Variants in UBA5 observed in about 807,000 individuals in gnomAD.
UBA5 encodes the protein ubiquitin like modifier activating enzyme 5.
A neutral mutation model predicts 52.9 loss-of-function variants in UBA5; 28 were observed. The observed-to-expected ratio is 0.53, with a 90% CI of 0.39 to 0.73. The LOEUF (loss-of-function observed/expected upper bound fraction) is 0.73, where lower values mean the gene tolerates loss of function less well. Among genes scored for constraint, UBA5 ranks in the 30% least tolerant of loss-of-function variants. UBA5 has a pLI of 0.00. For missense variants in UBA5, 388 were observed against 492.7 expected (o/e 0.79, Z 2.01); for synonymous variants, 135 against 162.1 (o/e 0.83, Z 1.27).
At chr3:132,656,136 T>C (rs907998543), upstream of UBA5, among the ~76,000 whole-genome samples, 1 of 152,230 alleles carries the variant, frequency 6.6e-6, no homozygotes, top group Non-Finnish European at 1.5e-5. Flanking sequence ...ACGTTTTTCA[T>C]TCTGTGTTAT....
In UBA5 at chr3:132,671,008, A is replaced by G; in HGVS notation, c.538A>G (p.Ser180Gly). The change falls in exon 6 of 12, where the codon AGC (serine) becomes GGC (glycine). Residue 180 changes from serine to glycine, a missense_variant. Ser to Gly is a moderately conservative substitution (Grantham distance 56, BLOSUM62 0). Around this residue, in one of 3 missense-constraint regions of UBA5, gnomAD observed 277 missense variants for 326.4 expected, o/e 0.85. Coordinates refer to ENST00000356232, the MANE Select transcript of UBA5 (RefSeq NM_024818.6). Reference sequence around the variant, plus strand: ...AGGAAAACCTGTTGATCTAGTTCTTAGCTGTGTGGACAATTTTGAAGCTCG... The same window carrying G: ...AGGAAAACCTGTTGATCTAGTTCTTGGCTGTGTGGACAATTTTGAAGCTCG... ...EEGKPVDLVL[S>G]CVDNFEARMT... 6.2e-7 allele frequency: 1 copy of G among 1,613,392 alleles called. No individual in the cohort carries two copies.
intron 4 of UBA5, among the ~76,000 whole-genome samples, chr3:132,669,688 T>C (rs944983764): frequency 6.6e-6 from 1 of 152,222 alleles, no homozygotes; most frequent in Non-Finnish European, 1.5e-5. Context: ...ATTTGGCCCA[T>C]GGGCCACAGT....
At chr3:132,671,184 T>C (rs1469025161) in intron 6 of UBA5, 135 bp downstream of exon 6, 5 of 701,774 alleles carry the variant, frequency 7.1e-6, no homozygotes, top group African/African-American at 3.6e-5. Flanking sequence ...AATGTTCTCT[T>C]AGCCTACTCT....
At chr3:132,655,440 C>A (rs1452608169), upstream of UBA5, among the ~76,000 whole-genome samples, 1 of 152,190 alleles carries the variant, frequency 6.6e-6, no homozygotes, top group Non-Finnish European at 1.5e-5. Flanking sequence ...GTCCCTGTTG[C>A]CCTTGCTTAC....
chr3:132,655,944 A>G (rs142114257), upstream of UBA5, among the ~76,000 whole-genome samples: 412 of 152,378 alleles, frequency 2.7e-3, 1 homozygote, highest in African/African-American at 9.5e-3. Context: ...TAAAAAGAGT[A>G]TTTATGAAAT....
At chr3:132,657,507 G>T (rs1035675366), upstream of UBA5, among the ~76,000 whole-genome samples, 1 of 152,146 alleles carries the variant, frequency 6.6e-6, no homozygotes, top group East Asian at 1.9e-4. Flanking sequence ...TGAATCAATA[G>T]ATCAACTGGA....
chr3:132,664,373 A>G (rs977113358), intron 1 of UBA5, among the ~76,000 whole-genome samples: 4 of 152,204 alleles, frequency 2.6e-5, no homozygotes, highest in Non-Finnish European at 5.9e-5. Flanking sequence ...TGTCATTTTT[A>G]TAAAGAATAT....
chr3:132,670,874 AAAGAAT>A, intron 5 of UBA5, 85 bp from the exon 6 acceptor site: 1 of 764,426 alleles, frequency 1.3e-6, no homozygotes, highest in South Asian at 1.9e-5. Context: ...ACATTTAATG[AAAGAAT>A]AAGTGTTGGA....
chr3:132,677,126 T>C lies in UBA5; in HGVS notation c.*600T>C. The C allele has an allele frequency of 4.1e-6, 1 of 245,854 alleles. No homozygotes were observed. The allele number at this position is 245,854 out of a possible 1,614,324, so 15.2% of individuals were successfully genotyped here. A position where few individuals can be genotyped will look rare whatever the true frequency, so the allele number is the denominator to read the frequency against. On this transcript the variant is annotated 3_prime_UTR_variant, in exon 12 of 12. Coordinates refer to ENST00000356232, the MANE Select transcript of UBA5 (RefSeq NM_024818.6). ...GTAGTTATTGGAAAAGTCTGTAACC[T>C]GTGGATCATATATATTCAAAGTGAG...
At chr3:132,656,059 T>C (rs963983248), upstream of UBA5, among the ~76,000 whole-genome samples, 1 of 152,328 alleles carries the variant, frequency 6.6e-6, no homozygotes, top group East Asian at 1.9e-4. Flanking sequence ...GTGACTACCA[T>C]TCTGAATTTT....
intron 8 of UBA5, among the ~76,000 whole-genome samples, chr3:132,674,941 T>G (rs1333594964): frequency 6.6e-6 from 1 of 152,212 alleles, no homozygotes; most frequent in East Asian, 1.9e-4. Flanking sequence ...CTTCTTGAAG[T>G]TGTTGACGTG....
At chr3:132,668,684 C>T in intron 3 of UBA5, 134 bp from the exon 4 acceptor site, 1 of 548,590 alleles carries the variant, frequency 1.8e-6, no homozygotes, top group South Asian at 2.5e-5. Context: ...ATATATGGCA[C>T]CTAGTGTTGT....
At chr3:132,670,545 G>A (rs1226948388) in intron 5 of UBA5, 1 of 254,756 alleles carries the variant, frequency 3.9e-6, no homozygotes, top group East Asian at 9.0e-5. Context: ...TCAACTTTAA[G>A]TTCTGTGTTC....
rs1313484823 is a variant in UBA5 at position 132,679,484 on chromosome 3, G to A, written c.*2958G>A. 6.6e-6 allele frequency among the ~76,000 whole-genome samples: 1 copy of A among 152,006 alleles called. No individual in the cohort carries two copies. The highest frequency in any genetic ancestry group is 2.4e-5 in the African/African-American group (1 of 41,376). On this transcript the variant is annotated 3_prime_UTR_variant, in exon 12 of 12. Transcript: ENST00000356232. ...TATGCATTCTACATGAGAACGTTTG[G>A]GTTGGTAGTAAAATAAATAGTAATA...
intron 7 of UBA5, 52 bp downstream of exon 7, chr3:132,671,933 T>C: frequency 6.2e-7 from 1 of 1,600,998 alleles, no homozygotes; most frequent in South Asian, 1.1e-5. Flanking sequence ...CTTGAGTTCT[T>C]AGGGGCATTG....
At chr3:132,666,145 A>ATT in intron 3 of UBA5, 72 bp downstream of exon 3, 8 of 1,371,404 alleles carry the variant, frequency 5.8e-6, no homozygotes, top group Non-Finnish European at 7.2e-6. Context: ...ACAAGTTAGG[A>ATT]TTTTTTTTCT....
intron 3 of UBA5, 54 bp downstream of exon 3, chr3:132,666,127 A>C: frequency 6.7e-7 from 1 of 1,484,750 alleles, no homozygotes; most frequent in East Asian, 2.3e-5. Context: ...TCCTGGAGTA[A>C]ATCAGGTACA....
At position 132,676,732 on chromosome 3, in the gene UBA5, G is replaced by T; in HGVS notation, c.*206G>T. 1 of 605,834 alleles carries T rather than the reference G, an allele frequency of 1.7e-6. No homozygotes were observed. The highest frequency in any genetic ancestry group is 3.1e-6 in the Non-Finnish European group (1 of 325,906). 37.5% of individuals were successfully genotyped at this position (605,834 alleles called of 1,614,324 possible). A position where few individuals can be genotyped will look rare whatever the true frequency, so the allele number is the denominator to read the frequency against. ...CTCTCCTAAAATGTGTTTCATTCTA[G>T]TAAGAAAACCTCAAAGGATATTGTA... On this transcript the variant is annotated 3_prime_UTR_variant, in exon 12 of 12. Coordinates refer to ENST00000356232, the MANE Select transcript of UBA5 (RefSeq NM_024818.6). The surrounding 1 kb of genome is among the most constrained non-coding windows in gnomAD (Gnocchi z 4.1).
intron 7 of UBA5, 46 bp downstream of exon 7, chr3:132,671,927 A>C (rs1938622136): frequency 1.2e-6 from 2 of 1,601,784 alleles, no homozygotes; most frequent in South Asian, 2.2e-5. Flanking sequence ...TAGATACTTG[A>C]GTTCTTAGGG....
Sources: allele counts gnomAD v4.1 joint callset (sites outside exome capture counted in the v4.1 genomes callset), GRCh38; gene constraint gnomAD v4.1.1; regional missense constraint gnomAD v4.1.1; non-coding constraint Gnocchi (gnomAD v3.1); transcripts MANE v1.5; gene names NCBI Gene and HGNC (gene_info 2026-07-23, HGNC 2026-07-21).